AVEN: variants seen among roughly 807,000 people sequenced by gnomAD.
The protein encoded by AVEN is apoptosis and caspase activation inhibitor.
A neutral mutation model predicts 38.1 loss-of-function variants in AVEN; 41 were observed. That is an observed-to-expected ratio of 1.08 (90% CI 0.84 to 1.40). The LOEUF (loss-of-function observed/expected upper bound fraction) is 1.40. AVEN is among the 40% of genes most tolerant of loss of function. AVEN has a pLI of 0.00. For synonymous variants in AVEN, 206 were observed against 171.8 expected (o/e 1.20, Z -1.56); for missense variants, 605 against 438.8 (o/e 1.38, Z -3.38).
At chr15:33,951,670 A>T (rs1288893624) in intron 2 of AVEN, among the ~76,000 whole-genome samples, 1 of 151,618 alleles carries the variant, frequency 6.6e-6, no homozygotes, top group Admixed American at 6.6e-5. Flanking sequence ...ACACTCTTCC[A>T]TTTTTGTCAA....
intron 1 of AVEN, among the ~76,000 whole-genome samples, chr15:34,006,649 T>C (rs1897357347): frequency 6.6e-6 from 1 of 152,214 alleles, no homozygotes; most frequent in Non-Finnish European, 1.5e-5. Flanking sequence ...CAAGTGTTTA[T>C]AATAGGCTGA....
At chr15:33,862,799 CAGGGTTT>C (rs1461858528), downstream of AVEN, among the ~76,000 whole-genome samples, 3 of 152,062 alleles carry the variant, frequency 2.0e-5, no homozygotes, top group Non-Finnish European at 4.4e-5. Flanking sequence ...TTAGTAGAGA[CAGGGTTT>C]CACCGTGTTG....
At chr15:34,038,450 G>T (rs1899259809) in intron 1 of AVEN, among the ~76,000 whole-genome samples, 1 of 152,312 alleles carries the variant, frequency 6.6e-6, no homozygotes, top group Non-Finnish European at 1.5e-5. Context: ...AGCCCAGCCG[G>T]CCCACGGGCC....
In AVEN at chr15:33,966,743, A is replaced by G. The variant is rs117765682; in HGVS notation, c.445+36289T>C. On this transcript the variant is annotated intron_variant, in intron 2 of 5. Coordinates refer to ENST00000306730, the MANE Select transcript of AVEN (RefSeq NM_020371.3). The stretch of plus-strand genomic sequence containing the variant: ...GTGTGGCACACAAGTTATTTTCAGG[A>G]CCTCATGCTATTGTATTCTTGGAAA... 8.2e-3 allele frequency among the ~76,000 whole-genome samples: 1,241 copies of G among 152,212 alleles called. 8 individuals are homozygous for G. The highest frequency in any genetic ancestry group is 0.014 in the Non-Finnish European group (952 of 67,984).
At chr15:33,883,492 T>C (rs1891576752) in intron 2 of AVEN, among the ~76,000 whole-genome samples, 1 of 152,152 alleles carries the variant, frequency 6.6e-6, no homozygotes. Flanking sequence ...TAGGTCTGTA[T>C]GTACTGACAC....
chr15:34,042,974 G>A (rs957946886), upstream of AVEN, among the ~76,000 whole-genome samples: 141 of 152,028 alleles, frequency 9.3e-4, no homozygotes, highest in African/African-American at 3.3e-3. Flanking sequence ...TTGGCCAGGC[G>A]CGGTGGCTCA....
At position 34,048,443 on chromosome 15, in the gene AVEN, CT is replaced by C. The variant is rs376951305; in HGVS notation, n.1637+14478del. Reference sequence around the variant, plus strand: ...GCTGCTTTGCCAGATCATGGCCAGGCTGCTTCTTTAAGTGGGACCTGGATCC... The same window carrying C: ...GCTGCTTTGCCAGATCATGGCCAGGCGCTTCTTTAAGTGGGACCTGGATCC... On this transcript the variant is annotated intron_variant and non_coding_transcript_variant, in intron 5 of 11. Transcript: ENST00000675287. Among the ~76,000 whole-genome samples, 490 of 151,882 alleles carry C rather than the reference CT, an allele frequency of 3.2e-3. 4 individuals carry two copies. Among genetic ancestry groups the C allele is most frequent in the African/African-American group, 0.011 (458 of 41,388 alleles).
At chr15:33,992,899 A>G (rs750382067) in intron 2 of AVEN, among the ~76,000 whole-genome samples, 2 of 152,270 alleles carry the variant, frequency 1.3e-5, no homozygotes, top group Non-Finnish European at 2.9e-5. Flanking sequence ...AAGAAAATAT[A>G]TAATAGTTTT....
At chr15:33,892,700 T>C (rs1384315298) in intron 2 of AVEN, among the ~76,000 whole-genome samples, 3 of 150,232 alleles carry the variant, frequency 2.0e-5, no homozygotes, top group Non-Finnish European at 2.9e-5. Context: ...CTTGGCAATG[T>C]GGGCTCTTTT....
intron 1 of AVEN, among the ~76,000 whole-genome samples, chr15:34,016,227 T>C (rs1897904684): frequency 6.6e-6 from 1 of 152,108 alleles, no homozygotes; most frequent in Non-Finnish European, 1.5e-5. Flanking sequence ...AGAGCAAAAC[T>C]CCATCTCAAA....
At chr15:33,934,116 T>C (rs1805271418) in intron 2 of AVEN, among the ~76,000 whole-genome samples, 2 of 151,914 alleles carry the variant, frequency 1.3e-5, no homozygotes. Context: ...GGCTCATGCC[T>C]GTAATTCTAG....
intron 2 of AVEN, among the ~76,000 whole-genome samples, chr15:33,947,596 C>T (rs1359265890): frequency 6.6e-6 from 1 of 152,164 alleles, no homozygotes; most frequent in Non-Finnish European, 1.5e-5. Flanking sequence ...TTGGATATAA[C>T]ATACAACATC....
intron 2 of AVEN, among the ~76,000 whole-genome samples, chr15:33,963,228 G>A (rs1895265083): frequency 6.6e-6 from 1 of 152,154 alleles, no homozygotes; most frequent in South Asian, 2.1e-4. Flanking sequence ...CAGGCACTGT[G>A]CTAGGTGCTT....
intron 2 of AVEN, among the ~76,000 whole-genome samples, chr15:33,909,994 G>A (rs926046111): frequency 2.0e-5 from 3 of 151,974 alleles, no homozygotes; most frequent in African/African-American, 7.3e-5. Context: ...TGGGCTTGGT[G>A]GTGGACACCT....
chr15:33,906,301 G>A (rs1892697494), intron 2 of AVEN, among the ~76,000 whole-genome samples: 1 of 152,110 alleles, frequency 6.6e-6, no homozygotes, highest in Non-Finnish European at 1.5e-5. Flanking sequence ...GATACTAGAG[G>A]GGCTTCAGAG....
At chr15:34,050,292 C>T (rs1222769378) in intron 5 of AVEN, among the ~76,000 whole-genome samples, 5 of 152,164 alleles carry the variant, frequency 3.3e-5, no homozygotes, top group Non-Finnish European at 5.9e-5. Flanking sequence ...CAAGCAAATG[C>T]TGAGGGAATT....
intron 4 of AVEN, among the ~76,000 whole-genome samples, chr15:33,870,194 G>A (rs9302282): frequency 0.067 from 10,212 of 151,900 alleles, 495 homozygotes; most frequent in African/African-American, 0.12. Context: ...CATCTCCACC[G>A]TCATTACTGT....
chr15:33,942,612 G>A (rs918366954), intron 2 of AVEN, among the ~76,000 whole-genome samples: 12 of 151,842 alleles, frequency 7.9e-5, no homozygotes, highest in African/African-American at 2.9e-4. Context: ...CACCATGCCC[G>A]GCTAATATTT....
At chr15:33,890,541 C>G (rs1298703202) in intron 2 of AVEN, among the ~76,000 whole-genome samples, 3 of 152,060 alleles carry the variant, frequency 2.0e-5, no homozygotes, top group African/African-American at 7.2e-5. Context: ...TTTCATGAAG[C>G]TTGCCAAAAG....
Sources: allele counts gnomAD v4.1 joint callset (sites outside exome capture counted in the v4.1 genomes callset), GRCh38; gene constraint gnomAD v4.1.1; transcripts MANE v1.5; gene names NCBI Gene and HGNC (gene_info 2026-07-23, HGNC 2026-07-21).